The following HMCN1 variants were observed in gnomAD, a reference collection of about 807,000 sequenced individuals.
HMCN1 encodes hemicentin-1.
A neutral mutation model predicts 625.9 loss-of-function variants in HMCN1; 321 were observed. That is an observed-to-expected ratio of 0.51 (90% CI 0.47 to 0.56). The LOEUF (loss-of-function observed/expected upper bound fraction) is 0.56. Ranked by LOEUF, HMCN1 falls within the 20% of genes least tolerant of loss-of-function variation. The probability of loss-of-function intolerance (pLI) is 0.00; values close to 1 mark genes in which losing one functional copy is unlikely to be tolerated. For missense variants in HMCN1, 6,588 were observed against 6,887.3 expected (o/e 0.96, Z 1.54); for synonymous variants, 2,425 against 2,417.6 (o/e 1.00, Z -0.09).
intron 1 of HMCN1, among the ~76,000 whole-genome samples, chr1:185,834,133 C>G (rs531553599): frequency 6.6e-6 from 1 of 152,248 alleles, no homozygotes; most frequent in Admixed American, 6.5e-5. Flanking sequence ...GTCACAGTTG[C>G]TATCATCGGA....
chr1:185,744,442 C>T (rs1654244953), intron 1 of HMCN1, among the ~76,000 whole-genome samples: 1 of 152,158 alleles, frequency 6.6e-6, no homozygotes, highest in Non-Finnish European at 1.5e-5. Context: ...GCCACTGCCT[C>T]ATAATTGGAA....
At chr1:186,180,955 A>G (rs780084083) in intron 104 of HMCN1, among the ~76,000 whole-genome samples, 2 of 152,204 alleles carry the variant, frequency 1.3e-5, no homozygotes, top group Non-Finnish European at 2.9e-5. Context: ...AAAAGATTCA[A>G]ATTAACACTA....
intron 11 of HMCN1, among the ~76,000 whole-genome samples, chr1:185,950,994 G>A (rs1374341870): frequency 6.6e-6 from 1 of 151,206 alleles, no homozygotes; most frequent in Admixed American, 6.6e-5. Context: ...TAGCAGGCGA[G>A]TGATAACAGG....
intron 16 of HMCN1, among the ~76,000 whole-genome samples, chr1:185,978,785 A>G (rs545167197): frequency 1.3e-5 from 2 of 152,190 alleles, no homozygotes; most frequent in Admixed American, 6.5e-5. Context: ...GGTTCAAGCA[A>G]TTGTCCTGCT....
chr1:186,034,571 A>G (rs899659366), intron 36 of HMCN1, among the ~76,000 whole-genome samples: 2 of 152,134 alleles, frequency 1.3e-5, no homozygotes, highest in Non-Finnish European at 2.9e-5. Context: ...TTCTCTCAGA[A>G]TGGTACTTTC....
At chr1:185,872,891 A>G (rs1404841377) in intron 4 of HMCN1, among the ~76,000 whole-genome samples, 1 of 152,304 alleles carries the variant, frequency 6.6e-6, no homozygotes, top group Non-Finnish European at 1.5e-5. Flanking sequence ...CCATAAGACA[A>G]TCATGGCATC....
rs567803056 is a variant in HMCN1 at position 185,764,102 on chromosome 1, T to C, written c.268+29055T>C. On this transcript the variant is annotated intron_variant, in intron 1 of 106. Transcript: ENST00000271588. ...CGTACAATTAAGAATAGTTTACAAC[T>C]CTCTTAACCAACTTGAATTAACTCA... 5.3e-5 allele frequency among the ~76,000 whole-genome samples: 8 copies of C among 152,270 alleles called. No homozygotes were observed. In the South Asian group the frequency reaches 1.7e-3, roughly 32 times the overall value.
chr1:186,027,893 T>C (rs1228193106), intron 36 of HMCN1, among the ~76,000 whole-genome samples: 1 of 152,202 alleles, frequency 6.6e-6, no homozygotes, highest in Non-Finnish European at 1.5e-5. Context: ...CACTCAAAAA[T>C]GGTTCCTCTG....
At chr1:186,092,545 G>A (rs1659898337) in intron 64 of HMCN1, among the ~76,000 whole-genome samples, 2 of 151,860 alleles carry the variant, frequency 1.3e-5, no homozygotes, top group South Asian at 2.1e-4. Context: ...GGTGTGTGAG[G>A]ACAACCAATA....
chr1:185,742,237 T>C (rs1288626608), intron 1 of HMCN1, among the ~76,000 whole-genome samples: 11 of 152,168 alleles, frequency 7.2e-5, no homozygotes, highest in Admixed American at 5.9e-4. Flanking sequence ...TACATCATTA[T>C]AATATAAAGA....
At chr1:186,113,042 A>G in intron 72 of HMCN1, 89 bp downstream of exon 72, 2 of 1,464,602 alleles carry the variant, frequency 1.4e-6, no homozygotes, top group Non-Finnish European at 1.9e-6. Context: ...AGCATACTAA[A>G]TGAAGCCTTG....
rs1650217971 is a variant in HMCN1, at chr1:185,963,998, GTAT to G, written c.2098+107_2098+109del. On this transcript the variant is annotated intron_variant, in intron 13 of 106. Transcript: ENST00000271588. ...TATTAATATTAGTAATGCATACATG[GTAT>G]TATACTTTATTATTCATTTCACACA... 5.3e-6 allele frequency: 5 copies of G among 943,634 alleles called. No individual in the cohort carries two copies. The East Asian group carries it at 9.9e-5, about 19-fold the overall frequency. 58.5% of individuals were successfully genotyped at this position (943,634 alleles called of 1,614,324 possible).
At chr1:185,860,911 G>T (rs1345187223) in intron 2 of HMCN1, among the ~76,000 whole-genome samples, 1 of 151,724 alleles carries the variant, frequency 6.6e-6, no homozygotes, top group Non-Finnish European at 1.5e-5. Flanking sequence ...AAAGGTTGTT[G>T]ACCATCTTGA....
At chr1:185,929,019 A>T (rs1334833427) in intron 10 of HMCN1, among the ~76,000 whole-genome samples, 1 of 151,336 alleles carries the variant, frequency 6.6e-6, no homozygotes, top group Non-Finnish European at 1.5e-5. Flanking sequence ...ATTAGTGATT[A>T]TTATTATTGT....
intron 18 of HMCN1, 77 bp downstream of exon 18, chr1:185,982,466 A>G (rs575782711): frequency 8.7e-5 from 117 of 1,347,432 alleles, no homozygotes; most frequent in Non-Finnish European, 1.1e-4. Context: ...TCTTTGAGAC[A>G]GTTTCATTCT....
intron 100 of HMCN1, 103 bp from the exon 101 acceptor site, chr1:186,171,234 G>A: frequency 1.2e-6 from 1 of 837,588 alleles, no homozygotes; most frequent in Non-Finnish European, 2.0e-6. Context: ...TTTTAGAGAA[G>A]ATCTTAAACA....
chr1:186,033,067 C>T (rs928925885), intron 36 of HMCN1, among the ~76,000 whole-genome samples: 49 of 116,274 alleles, frequency 4.2e-4, no homozygotes, highest in Non-Finnish European at 1.2e-4. Flanking sequence ...CACACACGCA[C>T]ACACACACAC....
chr1:185,983,003 G>A (rs1651757421), intron 18 of HMCN1, among the ~76,000 whole-genome samples: 1 of 151,744 alleles, frequency 6.6e-6, no homozygotes, highest in South Asian at 2.1e-4. Flanking sequence ...TATTTTCATA[G>A]TACTTAAATA....
At chr1:185,953,960 TG>T (rs1245826519) in intron 11 of HMCN1, among the ~76,000 whole-genome samples, 1 of 134,758 alleles carries the variant, frequency 7.4e-6, no homozygotes, top group Admixed American at 7.5e-5. Flanking sequence ...TGGGCAGGAG[TG>T]GGGGTCGCAA....
Sources: gnomAD v4.1 joint callset for allele counts (sites outside exome capture counted in the v4.1 genomes callset) on GRCh38, gnomAD v4.1.1 for gene constraint, MANE v1.5 for transcripts, NCBI Gene and HGNC (gene_info 2026-07-23, HGNC 2026-07-21) for gene names.